TGFBRAP1: variants seen among roughly 807,000 people sequenced by gnomAD.
The protein encoded by TGFBRAP1 is transforming growth factor-beta receptor-associated protein 1.
A neutral mutation model predicts 83.2 loss-of-function variants in TGFBRAP1; 20 were observed. The observed-to-expected ratio is 0.24, with a 90% CI of 0.17 to 0.35. TGFBRAP1 has a LOEUF of 0.35. Among genes scored for constraint, TGFBRAP1 ranks in the 10% least tolerant of loss-of-function variants. TGFBRAP1 has a pLI of 1.00. For missense variants in TGFBRAP1, 950 were observed against 1,099.4 expected, an observed-to-expected ratio of 0.86 and a Z score of 1.92; for synonymous variants, 415 against 459.8, an observed-to-expected ratio of 0.90 and a Z score of 1.25.
chr2:105,269,779 G>T lies in TGFBRAP1; in HGVS notation c.1973-74C>A. The T allele has an allele frequency of 7.1e-7, 1 of 1,409,124 alleles. No homozygotes were observed. Among genetic ancestry groups the T allele is most frequent in the Non-Finnish European group, 9.3e-7 (1 of 1,078,052 alleles). The allele number at this position is 1,409,124 out of a possible 1,614,324, so 87.3% of individuals were successfully genotyped here. A position where few individuals can be genotyped will look rare whatever the true frequency, so the allele number is the denominator to read the frequency against. ...CCGCCCAGCGACTGGCCTCCTTGCTGCTCTGGGCTTCAGGAGGGGAAAAGT... is the reference window on the plus strand; with the variant it reads ...CCGCCCAGCGACTGGCCTCCTTGCTTCTCTGGGCTTCAGGAGGGGAAAAGT... On this transcript the variant is annotated intron_variant, in intron 10 of 11. Coordinates refer to ENST00000393359, the MANE Select transcript of TGFBRAP1 (RefSeq NM_004257.6). The surrounding 1 kb of genome is among the most constrained non-coding windows in gnomAD (Gnocchi z 4.1).
chr2:105,322,092 T>C (rs1397758275), intron 1 of TGFBRAP1, among the ~76,000 whole-genome samples: 1 of 152,126 alleles, frequency 6.6e-6, no homozygotes, highest in Non-Finnish European at 1.5e-5. Context: ...TGGAGGTGGA[T>C]GACAGGGATA....
At chr2:105,298,119 C>G (rs1399614634) in intron 3 of TGFBRAP1, among the ~76,000 whole-genome samples, 1 of 152,056 alleles carries the variant, frequency 6.6e-6, no homozygotes, top group Non-Finnish European at 1.5e-5. Context: ...GCCCATAGTA[C>G]CCTCTTGAAC....
At chr2:105,322,206 A>G (rs1679088135) in intron 1 of TGFBRAP1, among the ~76,000 whole-genome samples, 1 of 152,176 alleles carries the variant, frequency 6.6e-6, no homozygotes, top group South Asian at 2.1e-4. Flanking sequence ...AAAAACTTAT[A>G]GAATAAGCAT....
chr2:105,250,064 G>C, the TGFBRAP1 span, among the ~76,000 whole-genome samples: 1 of 152,228 alleles, frequency 6.6e-6, no homozygotes, highest in Non-Finnish European at 1.5e-5. Context: ...TCTGGGAGGA[G>C]CAGGGAACAA....
chr2:105,298,672 C>A lies in TGFBRAP1; in HGVS notation c.722G>T (p.Arg241Leu), dbSNP rs764251257. Reference protein sequence around the residue: ...MFATVAGISQRAPVHWSENVI... With the variant: ...MFATVAGISQLAPVHWSENVI... The stretch of plus-strand genomic sequence containing the variant: ...ATTCTCCGACCAGTGCACGGGGGCG[C>A]GCTGGGATATCCCTGCGACTGTGGC... The change falls in exon 3 of 12, where the codon CGC (arginine) becomes CTC (leucine). Residue 241 changes from arginine (R) to leucine (L), a missense_variant. Arg to Leu is a moderately radical substitution (Grantham distance 102, BLOSUM62 -2). Coordinates refer to ENST00000393359, the MANE Select transcript of TGFBRAP1 (RefSeq NM_004257.6). 1 of 1,599,364 alleles carries A rather than the reference C, an allele frequency of 6.3e-7. No individual in the cohort carries two copies. Among genetic ancestry groups the A allele is most frequent in the South Asian group, 1.1e-5 (1 of 89,600 alleles).
In TGFBRAP1 at chr2:105,297,595, C is replaced by T. The variant is rs1678130260; in HGVS notation, c.883+916G>A. ...AACAAAAACCCTTAAGTGGCAAATG[C>T]GATGCATAAATCTAGATTCGTTCCT... is the stretch of plus-strand genomic sequence containing the variant. On this transcript the variant is annotated intron_variant, in intron 3 of 11. Transcript: ENST00000393359. 2.0e-5 allele frequency among the ~76,000 whole-genome samples: 3 copies of T among 152,144 alleles called. 1 individual carries two copies. The highest frequency in any genetic ancestry group is 4.1e-4 in the South Asian group (2 of 4,828).
the TGFBRAP1 span, among the ~76,000 whole-genome samples, chr2:105,254,970 C>CCTCCAGAA: frequency 1.3e-5 from 2 of 152,180 alleles, no homozygotes; most frequent in African/African-American, 4.8e-5. Flanking sequence ...GGACTTCCAG[C>CCTCCAGAA]CTCCAGAACT....
chr2:105,261,870 C>G (rs1045179683), downstream of TGFBRAP1, among the ~76,000 whole-genome samples: 1 of 152,088 alleles, frequency 6.6e-6, no homozygotes, highest in Non-Finnish European at 1.5e-5. Flanking sequence ...CAGCTGGAAC[C>G]GGGATTGAGG....
At chr2:105,300,966 G>A (rs1196430547) in intron 2 of TGFBRAP1, among the ~76,000 whole-genome samples, 2 of 152,070 alleles carry the variant, frequency 1.3e-5, no homozygotes, top group African/African-American at 4.8e-5. Flanking sequence ...GCTCACACCT[G>A]TAACCTCAAC....
intron 2 of TGFBRAP1, among the ~76,000 whole-genome samples, chr2:105,306,250 C>T (rs898522583): frequency 2.6e-5 from 4 of 151,128 alleles, no homozygotes; most frequent in African/African-American, 9.7e-5. Flanking sequence ...TTAGTAGAGA[C>T]AGGGTTTCTC....
At chr2:105,256,571 G>A in the TGFBRAP1 span, among the ~76,000 whole-genome samples, 1 of 152,236 alleles carries the variant, frequency 6.6e-6, no homozygotes, top group South Asian at 2.1e-4. Context: ...TTTACAAGAA[G>A]GTATTCCCTT....
intron 5 of TGFBRAP1, among the ~76,000 whole-genome samples, chr2:105,281,586 G>C (rs778842857): frequency 2.0e-5 from 3 of 152,124 alleles, no homozygotes; most frequent in Non-Finnish European, 4.4e-5. Flanking sequence ...AGCCTCTCCT[G>C]ACCTCCAGTG....
chr2:105,307,276 G>C (rs1678532710), intron 2 of TGFBRAP1, among the ~76,000 whole-genome samples: 1 of 152,118 alleles, frequency 6.6e-6, no homozygotes, highest in Admixed American at 6.5e-5. Context: ...CCTTCAGAAA[G>C]CTCTCTGCTA....
Position 105,273,583 on chromosome 2 carries a change from C to T in TGFBRAP1, c.1773G>A (p.Val591=). Residue 591 remains valine, a synonymous_variant, in exon 9 of 12, where the codon GTG becomes GTA. Coordinates refer to ENST00000393359, the MANE Select transcript of TGFBRAP1 (RefSeq NM_004257.6). The stretch of plus-strand genomic sequence containing the variant: ...CTATCACAAGATGTTCCAGATACTT[C>T]ACAAGGGCTTTAGGGTATTTTTTAA... The part of the protein sequence containing the change: ...NCLKKYPKAL[V]KYLEHLVIDK... The T allele has an allele frequency of 6.2e-7, 1 of 1,614,206 alleles. No homozygotes were observed. Among genetic ancestry groups the T allele is most frequent in the Non-Finnish European group, 8.5e-7 (1 of 1,180,030 alleles).
intron 1 of TGFBRAP1, among the ~76,000 whole-genome samples, chr2:105,317,977 A>G (rs755028119): frequency 5.3e-5 from 8 of 152,214 alleles, no homozygotes; most frequent in Non-Finnish European, 1.0e-4. Flanking sequence ...GTCTGACAAC[A>G]TGAGGTGTTC....
intron 2 of TGFBRAP1, among the ~76,000 whole-genome samples, chr2:105,306,147 C>T (rs1169179286): frequency 5.3e-5 from 8 of 150,426 alleles, no homozygotes; most frequent in Non-Finnish European, 8.8e-5. Flanking sequence ...ACCGCAACTG[C>T]TGCCTCCTGG....
In TGFBRAP1 at chr2:105,308,165, A is replaced by G. The variant is rs1678579608; in HGVS notation, c.137T>C (p.Val46Ala). The G allele has an allele frequency of 1.9e-6, 3 of 1,614,172 alleles. No homozygotes were observed. The highest frequency in any genetic ancestry group is 2.5e-6 in the Non-Finnish European group (3 of 1,180,032). The stretch of plus-strand genomic sequence containing the variant: ...CCTCTCCTCCAACAGGAAGTGGTAG[A>G]CGAAGCAGTCGTTGGTGCCCACGTA... ...DLYVGTNDCF[V>A]YHFLLEERPV... Residue 46 changes from valine (V) to alanine (A), a missense_variant, in exon 2 of 12, where the codon GTC (valine) becomes GCC (alanine). Transcript: ENST00000393359.
rs904016146 is a variant in TGFBRAP1 at position 105,264,504 on chromosome 2, T to G, written c.*2879A>C. The G allele has an allele frequency of 6.6e-6, 1 of 152,244 alleles. No individual in the cohort carries two copies. The highest frequency in any genetic ancestry group is 2.4e-5 in the African/African-American group (1 of 41,462). The allele number at this position is 152,244 out of a possible 1,614,324, so 9.4% of individuals were successfully genotyped here. ...AAATGAGCAAGTTTACATTTGTACA[T>G]TTTGTGTATCTGGGACCCAATCGGG... On this transcript the variant is annotated 3_prime_UTR_variant, in exon 12 of 12. Transcript: ENST00000393359.
At position 105,270,369 on chromosome 2, in the gene TGFBRAP1, C is replaced by T. The variant is rs540786995; in HGVS notation, c.1973-664G>A. On this transcript the variant is annotated intron_variant, in intron 10 of 11. Transcript: ENST00000393359. ...CCCACCCTTAGTGGGCTGTGTCTCA[C>T]GGGCAAAGTCACCTTGCTTCCTACC... Among the ~76,000 whole-genome samples, 22 of 152,268 alleles carry T rather than the reference C, an allele frequency of 1.4e-4. 1 individual carries two copies. The highest frequency in any genetic ancestry group is 2.4e-4 in the Non-Finnish European group (16 of 68,016).
Sources: gnomAD v4.1 joint callset for allele counts (sites outside exome capture counted in the v4.1 genomes callset) on GRCh38, gnomAD v4.1.1 for gene constraint, Gnocchi (gnomAD v3.1) non-coding constraint, MANE v1.5 for transcripts, NCBI Gene and HGNC (gene_info 2026-07-23, HGNC 2026-07-21) for gene names.